PSD4: variants seen among roughly 807,000 people sequenced by gnomAD.
PSD4 encodes the protein PH and SEC7 domain-containing protein 4.
In PSD4, 59 loss-of-function variants were observed where a neutral mutation model predicts 112.5. That is an observed-to-expected ratio of 0.52 (90% confidence interval 0.43 to 0.65). The LOEUF (loss-of-function observed/expected upper bound fraction) is 0.65, where lower values mean the gene tolerates loss of function less well. PSD4 is among the 30% of genes least tolerant of loss of function. PSD4 has a pLI of 0.00. For synonymous variants in PSD4, 533 were observed against 540.0 expected, an observed-to-expected ratio of 0.99 and a Z score of 0.18; for missense variants, 1,267 against 1,352.6, an observed-to-expected ratio of 0.94 and a Z score of 0.99.
rs1688783753 is a variant in PSD4 at position 113,201,720 on chromosome 2, G to A, written c.*305G>A. The A allele has an allele frequency of 2.4e-6, 1 of 420,510 alleles. No individual in the cohort carries two copies. The highest frequency in any genetic ancestry group is 2.0e-5 in the African/African-American group (1 of 49,878). 26.0% of individuals were successfully genotyped at this position (420,510 alleles called of 1,614,324 possible). A position where few individuals can be genotyped will look rare whatever the true frequency, so the allele number is the denominator to read the frequency against. ...AGAGCTCAGCCCATGTCACCCTCCA[G>A]GCCCCAGAATCCAGAGTGGCCTCAT... On this transcript the variant is annotated 3_prime_UTR_variant, in exon 17 of 17. Coordinates refer to ENST00000245796, the MANE Select transcript of PSD4 (RefSeq NM_012455.3).
At chr2:113,177,088 G>C (rs534333361) in intron 1 of PSD4, among the ~76,000 whole-genome samples, 13 of 152,344 alleles carry the variant, frequency 8.5e-5, no homozygotes, top group South Asian at 6.2e-4. Flanking sequence ...TTCTGTTCGG[G>C]TTGCTGCCTG....
At chr2:113,190,091 G>A (rs910934963) in intron 5 of PSD4, among the ~76,000 whole-genome samples, 3 of 152,160 alleles carry the variant, frequency 2.0e-5, no homozygotes, top group Non-Finnish European at 2.9e-5. Flanking sequence ...CCTTACCTAA[G>A]CCAATGTCTA....
chr2:113,185,680 A>C, intron 4 of PSD4, 197 bp from the exon 5 acceptor site: 1 of 1,548,232 alleles, frequency 6.5e-7, no homozygotes, highest in South Asian at 1.2e-5. Flanking sequence ...CTGAGCCCTT[A>C]GTTGCCTGGA....
At chr2:113,194,489 T>G (rs545242118) in intron 10 of PSD4, among the ~76,000 whole-genome samples, 1 of 152,352 alleles carries the variant, frequency 6.6e-6, no homozygotes, top group South Asian at 2.1e-4. Flanking sequence ...ATTTGCTGTT[T>G]CATCACAGTC....
chr2:113,190,597 G>C (rs1688417498), intron 5 of PSD4, among the ~76,000 whole-genome samples: 1 of 152,108 alleles, frequency 6.6e-6, no homozygotes, highest in South Asian at 2.1e-4. Context: ...ACTACACCCA[G>C]CTAATTTTTA....
chr2:113,193,773 G>T, intron 9 of PSD4, 86 bp from the exon 10 acceptor site: 1 of 1,567,372 alleles, frequency 6.4e-7, no homozygotes. Context: ...TGGGGAGCTG[G>T]AAAGGGTTCC....
chr2:113,197,880 C>G lies in PSD4; in HGVS notation c.2591C>G (p.Thr864Arg). ...AAGCCGCACGTCTTCCAGCTGCGCACGGCTGACTGGCGCCTCTACCTCTTC... is the reference window on the plus strand; with the variant it reads ...AAGCCGCACGTCTTCCAGCTGCGCAGGGCTGACTGGCGCCTCTACCTCTTC... The part of the protein sequence containing the change: ...TKKPHVFQLR[T>R]ADWRLYLFQA... The change falls in exon 14 of 17, where the codon ACG becomes AGG. Residue 864 changes from threonine to arginine, a missense_variant. Transcript: ENST00000245796. 6.3e-7 allele frequency: 1 copy of G among 1,599,608 alleles called. No homozygotes were observed. The highest frequency in any genetic ancestry group is 8.5e-7 in the Non-Finnish European group (1 of 1,170,112).
At chr2:113,185,271 T>TC in intron 3 of PSD4, 94 bp from the exon 4 acceptor site, 1 of 1,562,638 alleles carries the variant, frequency 6.4e-7, no homozygotes, top group Non-Finnish European at 8.8e-7. Context: ...ATCCTTCCCC[T>TC]CCCCTCCTTT....
chr2:113,199,697 T>C (rs949577156), intron 16 of PSD4, among the ~76,000 whole-genome samples: 9 of 152,356 alleles, frequency 5.9e-5, no homozygotes, highest in African/African-American at 2.2e-4. Context: ...TAGGTCCTGT[T>C]ATCCTCATTT....
At chr2:113,200,838 T>G (rs1688756337) in intron 16 of PSD4, among the ~76,000 whole-genome samples, 1 of 152,144 alleles carries the variant, frequency 6.6e-6, no homozygotes, top group Non-Finnish European at 1.5e-5. Flanking sequence ...TGCAAAGATC[T>G]CAGGCATAGT....
chr2:113,206,027 G>A lies in PSD4; in HGVS notation c.*4612G>A, dbSNP rs549492217. On this transcript the variant is annotated 3_prime_UTR_variant, in exon 17 of 17. Coordinates refer to ENST00000245796, the MANE Select transcript of PSD4 (RefSeq NM_012455.3). ...GAAGAGGTGCTCTCCACAAGCCTGT[G>A]ACCAACTGTTCCCCTCAGCCGGCAC... 1 of 152,430 alleles carries A rather than the reference G, an allele frequency of 6.6e-6. No homozygotes were observed. The highest frequency in any genetic ancestry group is 1.5e-5 in the Non-Finnish European group (1 of 68,232). 9.4% of individuals were successfully genotyped at this position (152,430 alleles called of 1,614,324 possible).
At chr2:113,196,708 T>C (rs879460073) in intron 12 of PSD4, 3 of 170,796 alleles carry the variant, frequency 1.8e-5, no homozygotes, top group Non-Finnish European at 3.8e-5. Flanking sequence ...TTCTGGTAAG[T>C]GATGGTATCT....
At position 113,197,824 on chromosome 2, in the gene PSD4, G is replaced by T. The variant is rs1340548095; in HGVS notation, c.2535G>T (p.Ser845=). ...ATGAGCCCGTGGGGGTGCACCACTC[G>T]CTGGCCACCCCCGCCACGCATTACA... ...MVDEPVGVHH[S]LATPATHYTK... The change falls in exon 14 of 17, where the codon TCG becomes TCT. Residue 845 remains serine (S), a synonymous_variant. Transcript: ENST00000245796. The T allele has an allele frequency of 1.2e-6, 2 of 1,610,554 alleles. No individual in the cohort carries two copies. The highest frequency in any genetic ancestry group is 1.7e-6 in the Non-Finnish European group (2 of 1,177,818).
At position 113,182,342 on chromosome 2, in the gene PSD4, C is replaced by T. The variant is rs1263769782; in HGVS notation, c.-111-4C>T. ...TAACCTGCACTTGCTTTGGGCATTT[C>T]CAGGGTAGATATGGATTCCCAGTTT... On this transcript the variant is annotated splice_region_variant and splice_polypyrimidine_tract_variant and intron_variant, in intron 1 of 16. Coordinates refer to ENST00000245796, the MANE Select transcript of PSD4 (RefSeq NM_012455.3). 1 of 1,047,088 alleles carries T rather than the reference C, an allele frequency of 9.6e-7. No homozygotes were observed. Among genetic ancestry groups the T allele is most frequent in the African/African-American group, 1.6e-5 (1 of 62,064 alleles). 64.9% of individuals were successfully genotyped at this position (1,047,088 alleles called of 1,614,324 possible). A position where few individuals can be genotyped will look rare whatever the true frequency, so the allele number is the denominator to read the frequency against.
intron 8 of PSD4, 69 bp downstream of exon 8, chr2:113,193,439 A>C (rs1319144557): frequency 2.0e-6 from 3 of 1,515,676 alleles, no homozygotes; most frequent in Non-Finnish European, 2.7e-6. Flanking sequence ...TTGGGAGTTC[A>C]GTAGGTGACA....
At chr2:113,188,302 G>C (rs928873781) in intron 5 of PSD4, among the ~76,000 whole-genome samples, 1 of 152,166 alleles carries the variant, frequency 6.6e-6, no homozygotes, top group East Asian at 1.9e-4. Context: ...GAAGTGCAAT[G>C]TTGCGATCTT....
chr2:113,197,916 A>G lies in PSD4; in HGVS notation c.2624+3A>G, dbSNP rs747059717. 3.8e-6 allele frequency: 6 copies of G among 1,570,432 alleles called. No individual in the cohort carries two copies. In the East Asian group the frequency reaches 1.4e-4, roughly 36 times the overall value. ...CGCCTCTACCTCTTCCAGGCACCGT[A>G]AGTCCCTGGGGTGGGAGACTGTGGC... On this transcript the variant is annotated splice_donor_region_variant and intron_variant, in intron 14 of 16. Coordinates refer to ENST00000245796, the MANE Select transcript of PSD4 (RefSeq NM_012455.3).
intron 3 of PSD4, 74 bp downstream of exon 3, chr2:113,185,147 G>A: frequency 1.2e-6 from 2 of 1,603,902 alleles, no homozygotes; most frequent in Non-Finnish European, 1.7e-6. Flanking sequence ...TCATTTCCAG[G>A]GCCTAGCACC....
intron 5 of PSD4, among the ~76,000 whole-genome samples, chr2:113,189,133 C>T (rs1471475631): frequency 1.3e-5 from 2 of 152,072 alleles, no homozygotes; most frequent in Admixed American, 6.6e-5. Flanking sequence ...TAGCTTAGTT[C>T]CCACTTATGA....
Sources: allele counts gnomAD v4.1 joint callset (sites outside exome capture counted in the v4.1 genomes callset), GRCh38; gene constraint gnomAD v4.1.1; transcripts MANE v1.5; gene names NCBI Gene and HGNC (gene_info 2026-07-23, HGNC 2026-07-21).